PDE11A: variants seen among roughly 807,000 people sequenced by gnomAD.
PDE11A encodes dual 3',5'-cyclic-AMP and -GMP phosphodiesterase 11A.
PDE11A carries 100 observed loss-of-function variants against 100.5 expected under a neutral mutation model. The ratio of observed to expected loss-of-function variants is 1.00; its 90% CI spans 0.85 to 1.18. PDE11A has a LOEUF of 1.18. Among genes scored for constraint, PDE11A ranks in the 50% most tolerant of loss-of-function variants. The pLI is 0.00. For synonymous variants in PDE11A, 381 were observed against 420.8 expected (o/e 0.91, Z 1.16); for missense variants, 1,141 against 1,152.6 (o/e 0.99, Z 0.15).
At chr2:177,763,497 C>T (rs2082197373) in intron 10 of PDE11A, among the ~76,000 whole-genome samples, 1 of 152,140 alleles carries the variant, frequency 6.6e-6, no homozygotes, top group Non-Finnish European at 1.5e-5. Context: ...AAGCTCCTGC[C>T]CTCTTTCTGG....
intron 1 of PDE11A, among the ~76,000 whole-genome samples, chr2:178,030,045 T>G (rs1235014164): frequency 6.6e-6 from 1 of 152,154 alleles, no homozygotes; most frequent in East Asian, 1.9e-4. Context: ...CTGTTTGTTA[T>G]AAATTACCGA....
intron 13 of PDE11A, 112 bp from the exon 14 acceptor site, chr2:177,701,323 T>A (rs1242625246): frequency 5.6e-6 from 4 of 718,982 alleles, no homozygotes; most frequent in African/African-American, 3.4e-5. Context: ...AGCAGACACA[T>A]CCTTAGGTAA....
Position 177,720,493 on chromosome 2 carries a change from G to A in PDE11A, c.2043+7165C>T, listed in dbSNP as rs552098487. Among the ~76,000 whole-genome samples the A allele has an allele frequency of 3.9e-5, 6 of 152,100 alleles. No homozygotes were observed. In the East Asian group the frequency reaches 5.8e-4, roughly 15 times the overall value. On this transcript the variant is annotated intron_variant, in intron 12 of 19. Coordinates refer to ENST00000286063, the MANE Select transcript of PDE11A (RefSeq NM_016953.4). ...CTAGATTTAGTGGTCATACTCCCTC[G>A]GCATTTACAGTAAAGTTTGTCTACC... is the stretch of plus-strand genomic sequence containing the variant.
chr2:177,788,387 C>A (rs1558938893), intron 9 of PDE11A, among the ~76,000 whole-genome samples: 1 of 149,216 alleles, frequency 6.7e-6, no homozygotes, highest in Non-Finnish European at 1.5e-5. Flanking sequence ...GCATTCAAAG[C>A]AGTGTGTAGA....
intron 19 of PDE11A, 38 bp from the exon 20 acceptor site, chr2:177,629,600 AG>A (rs1327667853): frequency 6.2e-7 from 1 of 1,606,976 alleles, no homozygotes; most frequent in Admixed American, 1.7e-5. Context: ...TGGAGGAGAG[AG>A]GAAACAGAGT....
In PDE11A at chr2:177,806,189, C is replaced by A. The variant is rs2082867646; in HGVS notation, c.1737+10640G>T. On this transcript the variant is annotated intron_variant, in intron 9 of 19. Transcript: ENST00000286063. ...TGTGAAATTGATGATGAGTGCAGAG[C>A]CAGAAAACTGAAATCTTACATTCTT... Among the ~76,000 whole-genome samples, 3 of 151,944 alleles carry A rather than the reference C, an allele frequency of 2.0e-5. No individual in the cohort carries two copies. In the South Asian group the frequency reaches 6.2e-4, roughly 32 times the overall value.
At chr2:177,737,390 A>T (rs2081803279) in intron 10 of PDE11A, among the ~76,000 whole-genome samples, 1 of 140,826 alleles carries the variant, frequency 7.1e-6, no homozygotes, top group Non-Finnish European at 1.6e-5. Flanking sequence ...CATCCTGGCT[A>T]ACACAGTGAA....
intron 15 of PDE11A, among the ~76,000 whole-genome samples, chr2:177,693,172 C>T (rs894132346): frequency 2.6e-5 from 4 of 152,212 alleles, no homozygotes; most frequent in Non-Finnish European, 1.5e-5. Context: ...CCTGCCATTG[C>T]TGCTACACGC....
At chr2:178,060,742 T>G (rs1192308318) in intron 1 of PDE11A, among the ~76,000 whole-genome samples, 2 of 152,098 alleles carry the variant, frequency 1.3e-5, no homozygotes, top group Non-Finnish European at 2.9e-5. Context: ...CTGAGCAATC[T>G]CCTATGATTA....
At chr2:177,856,301 T>C (rs1018962198) in intron 5 of PDE11A, among the ~76,000 whole-genome samples, 3 of 151,976 alleles carry the variant, frequency 2.0e-5, no homozygotes, top group Admixed American at 1.3e-4. Context: ...AAACATTAGA[T>C]CGTGGGGTGA....
chr2:178,082,238 A>G (rs2087293525), intron 2 of PDE11A, among the ~76,000 whole-genome samples: 1 of 152,258 alleles, frequency 6.6e-6, no homozygotes, highest in South Asian at 2.1e-4. Flanking sequence ...AGGATTGAAA[A>G]TAAAAGAAAG....
chr2:177,877,204 G>A (rs1165553855), intron 4 of PDE11A, among the ~76,000 whole-genome samples: 2 of 143,950 alleles, frequency 1.4e-5, no homozygotes, highest in Non-Finnish European at 3.0e-5. Context: ...TCACTCTGTC[G>A]CACAGGCTGG....
chr2:178,008,890 T>C (rs979819535), intron 2 of PDE11A, among the ~76,000 whole-genome samples: 6 of 152,140 alleles, frequency 3.9e-5, no homozygotes, highest in African/African-American at 1.4e-4. Context: ...ACACTCTGAA[T>C]CATGAGCTGA....
intron 5 of PDE11A, among the ~76,000 whole-genome samples, chr2:177,868,635 T>G (rs558658695): frequency 6.6e-6 from 1 of 152,304 alleles, no homozygotes; most frequent in African/African-American, 2.4e-5. Context: ...GAGTCGTCAG[T>G]GTTCACAGAT....
At chr2:177,949,626 T>C (rs1306407382) in intron 2 of PDE11A, among the ~76,000 whole-genome samples, 1 of 152,158 alleles carries the variant, frequency 6.6e-6, no homozygotes, top group African/African-American at 2.4e-5. Flanking sequence ...TGATAAAACA[T>C]GTGATGTGCA....
intron 17 of PDE11A, among the ~76,000 whole-genome samples, chr2:177,675,006 G>A (rs1021255983): frequency 6.6e-6 from 1 of 151,806 alleles, no homozygotes; most frequent in Non-Finnish European, 1.5e-5. Context: ...AAGTTAAATT[G>A]GATACTGCAT....
chr2:177,744,299 G>A (rs1464339365), intron 10 of PDE11A, among the ~76,000 whole-genome samples: 3 of 151,878 alleles, frequency 2.0e-5, no homozygotes, highest in African/African-American at 7.3e-5. Context: ...CTGCCTGGGG[G>A]AGAGTGTGCC....
At position 177,898,069 on chromosome 2, in the gene PDE11A, T is replaced by C. The variant is rs1488153953; in HGVS notation, c.1291A>G (p.Ile431Val). The C allele has an allele frequency of 5.0e-6, 8 of 1,611,860 alleles. No homozygotes were observed. The highest frequency in any genetic ancestry group is 2.7e-5 in the African/African-American group (2 of 74,896). Residue 431 changes from isoleucine (I) to valine (V), a missense_variant, in exon 4 of 20, where the codon ATC becomes GTC. By Grantham distance (29) the Ile-to-Val change is conservative (BLOSUM62 3). Coordinates refer to ENST00000286063, the MANE Select transcript of PDE11A (RefSeq NM_016953.4). ...ERCSVLLLED[I>V]ESPVVKFTKS... The stretch of plus-strand genomic sequence containing the variant: ...AAAAGATAACTTACTGGTGATTCGA[T>C]GTCCTCTAGGAGTAAAACAGAACAG...
intron 1 of PDE11A, among the ~76,000 whole-genome samples, chr2:178,020,725 G>A (rs572554479): frequency 6.6e-5 from 10 of 152,204 alleles, no homozygotes; most frequent in African/African-American, 2.2e-4. Context: ...TTGAACCCGA[G>A]AGGCAGAGGT....
Sources: allele counts gnomAD v4.1 joint callset (sites outside exome capture counted in the v4.1 genomes callset), GRCh38; gene constraint gnomAD v4.1.1; transcripts MANE v1.5; gene names NCBI Gene and HGNC (gene_info 2026-07-23, HGNC 2026-07-21).